The following PLPPR2 variants were observed in gnomAD, a reference collection of about 807,000 sequenced individuals.
The protein encoded by PLPPR2 is phospholipid phosphatase-related protein type 2.
Under a neutral mutation model 40.3 loss-of-function variants are expected in PLPPR2, and 11 were observed. The observed-to-expected ratio is 0.27, with a 90% CI of 0.17 to 0.45. PLPPR2 has a LOEUF of 0.45. Among genes scored for constraint, PLPPR2 ranks in the 20% least tolerant of loss-of-function variants. The pLI, the probability that PLPPR2 is intolerant of heterozygous loss-of-function variation, is 1.00. For synonymous variants in PLPPR2, 260 were observed against 290.8 expected, an observed-to-expected ratio of 0.89 and a Z score of 1.08; for missense variants, 497 against 640.7, an observed-to-expected ratio of 0.78 and a Z score of 2.42.
In PLPPR2 at chr19:11,364,582, C is replaced by G. The variant is rs1244157919; in HGVS notation, c.1251C>G (p.Pro417=). 6.5e-7 allele frequency: 1 copy of G among 1,537,148 alleles called. No homozygotes were observed. ...GGGRGRKLLL[P]TPLLRDLYTL... ...GACGTGGCCGGAAGCTGCTGCTGCC[C>G]ACGCCCCTGCTGCGGGACCTGTACA... The change falls in exon 10 of 10, where the codon CCC becomes CCG. Residue 417 remains proline (P), a synonymous_variant. Transcript: ENST00000688289. The surrounding 1 kb of genome is among the most constrained non-coding windows in gnomAD (Gnocchi z 5.8).
chr19:11,358,333 G>A (rs567281209), intron 3 of PLPPR2, among the ~76,000 whole-genome samples: 9 of 151,678 alleles, frequency 5.9e-5, no homozygotes, highest in Non-Finnish European at 1.2e-4. Flanking sequence ...TGGGATTACA[G>A]GCGTGAGCCA....
intron 5 of PLPPR2, 112 bp downstream of exon 5, chr19:11,360,068 C>A: frequency 7.2e-7 from 1 of 1,395,244 alleles, no homozygotes; most frequent in Non-Finnish European, 9.4e-7. Context: ...TGTGGTGGCT[C>A]ACGCCTGTAA....
rs981271281 is a variant in PLPPR2 at position 11,359,402 on chromosome 19, C to T, written c.67-130C>T. ...CTCTCTCCCCCTTGTCTCTGTCTCT[C>T]TCCATCTTCTAGTTTCTGTCTCTAA... On this transcript the variant is annotated intron_variant, in intron 3 of 9. Coordinates refer to ENST00000688289, the MANE Select transcript of PLPPR2 (RefSeq NM_001393892.1). This position sits in a 1 kb window ranked among gnomAD's most constrained non-coding sequence, Gnocchi z 5.6. The T allele has an allele frequency of 1.3e-5, 10 of 796,894 alleles. No individual in the cohort carries two copies. In the South Asian group the frequency reaches 1.5e-4, roughly 12 times the overall value. 49.4% of individuals were successfully genotyped at this position (796,894 alleles called of 1,614,324 possible).
rs1967964516 is a variant in PLPPR2, at chr19:11,358,774, G to A, written c.67-758G>A. Among the ~76,000 whole-genome samples, 4 of 151,498 alleles carry A rather than the reference G, an allele frequency of 2.6e-5. No individual in the cohort carries two copies. In the South Asian group the frequency reaches 8.3e-4, roughly 32 times the overall value. On this transcript the variant is annotated intron_variant, in intron 3 of 9. Coordinates refer to ENST00000688289, the MANE Select transcript of PLPPR2 (RefSeq NM_001393892.1). ...CCGCTGCCCAGGCTGGAGTGCAGTGGCACGATCTTGGCTCACTGCAAACTC... is the reference window on the plus strand; with the variant it reads ...CCGCTGCCCAGGCTGGAGTGCAGTGACACGATCTTGGCTCACTGCAAACTC...
rs961939415 is a variant in PLPPR2 at position 11,362,581 on chromosome 19, G to C, written c.732G>C (p.Leu244Phe). ...RLVKPSLCLALLCPAFLVGVV... is the reference protein window; with the variant it reads ...RLVKPSLCLAFLCPAFLVGVV... ...TCAAACCCTCGCTCTGCCTGGCCTT[G>C]CTGTGCCCGGCCTTCCTGGTGGGCG... Residue 244 changes from leucine (L) to phenylalanine (F), a missense_variant, in exon 7 of 10, where the codon TTG becomes TTC. Physicochemically the swap from Leu to Phe is conservative, Grantham distance 22 (BLOSUM62 0). Coordinates refer to ENST00000688289, the MANE Select transcript of PLPPR2 (RefSeq NM_001393892.1). This position sits in a 1 kb window ranked among gnomAD's most constrained non-coding sequence, Gnocchi z 5.3. The C allele has an allele frequency of 5.6e-6, 9 of 1,613,114 alleles. No individual in the cohort carries two copies. Among genetic ancestry groups the C allele is most frequent in the Non-Finnish European group, 7.6e-6 (9 of 1,180,002 alleles).
chr19:11,360,434 T>A (rs1434176822), intron 5 of PLPPR2, among the ~76,000 whole-genome samples: 1 of 151,326 alleles, frequency 6.6e-6, no homozygotes, highest in Non-Finnish European at 1.5e-5. Context: ...CCCACCTCTT[T>A]AAAAAAAAGG....
In PLPPR2 at chr19:11,359,279, G is replaced by A. The variant is rs903319523; in HGVS notation, c.67-253G>A. Among the ~76,000 whole-genome samples the A allele has an allele frequency of 1.3e-5, 2 of 152,094 alleles. No homozygotes were observed. Among genetic ancestry groups the A allele is most frequent in the Non-Finnish European group, 2.9e-5 (2 of 68,010 alleles). The stretch of plus-strand genomic sequence containing the variant: ...CCCAAAGTGCTGGAATTACAGGCAC[G>A]AGCCGCTGCACACGGCCCCTCTGTT... On this transcript the variant is annotated intron_variant, in intron 3 of 9. Transcript: ENST00000688289. The surrounding 1 kb of genome is among the most constrained non-coding windows in gnomAD (Gnocchi z 5.6).
chr19:11,364,423 GC>G lies in PLPPR2; in HGVS notation c.1096del (p.Arg366ValfsTer7). 1 of 1,514,032 alleles carries G rather than the reference GC, an allele frequency of 6.6e-7. No individual in the cohort carries two copies. The allele number at this position is 1,514,032 out of a possible 1,614,324, so 93.8% of individuals were successfully genotyped here. On this transcript the variant is annotated frameshift_variant, in exon 10 of 10. Coordinates refer to ENST00000688289, the MANE Select transcript of PLPPR2 (RefSeq NM_001393892.1). LOFTEE classifies it high-confidence loss of function. The surrounding 1 kb of genome is among the most constrained non-coding windows in gnomAD (Gnocchi z 5.8). ...SSRAPAMCSSPRVPRPRLRSE... is the reference protein window; with the variant it reads ...SSRAPAMCSSXRVPRPRLRSE... ...CCAGGGCCCCAGCCATGTGTTCGTCGCCCCGTGTGCCCCGTCCTCGATTGAG... is the reference window on the plus strand; with the variant it reads ...CCAGGGCCCCAGCCATGTGTTCGTCGCCCGTGTGCCCCGTCCTCGATTGAG...
Position 11,364,434 on chromosome 19 carries a change from C to T in PLPPR2, c.1103C>T (p.Pro368Leu). 6.6e-7 allele frequency: 1 copy of T among 1,520,544 alleles called. No homozygotes were observed. The allele number at this position is 1,520,544 out of a possible 1,614,324, so 94.2% of individuals were successfully genotyped here. Residue 368 changes from proline to leucine, a missense_variant, in exon 10 of 10, where the codon CCC becomes CTC. By Grantham distance (98) the Pro-to-Leu change is moderately conservative. Transcript: ENST00000688289. This position sits in a 1 kb window ranked among gnomAD's most constrained non-coding sequence, Gnocchi z 5.8. ...GCCATGTGTTCGTCGCCCCGTGTGC[C>T]CCGTCCTCGATTGAGGTCTGAGCCG... ...APAMCSSPRV[P>L]RPRLRSEPTP...
At position 11,363,280 on chromosome 19, in the gene PLPPR2, C is replaced by CAA. The variant is rs571914211; in HGVS notation, c.841-414_841-413dup. On this transcript the variant is annotated intron_variant, in intron 7 of 9. Transcript: ENST00000688289. The surrounding 1 kb of genome is among the most constrained non-coding windows in gnomAD (Gnocchi z 4.8). ...TGGGTGAAAGAGCGAAAGTCTGTCT[C>CAA]AAAAAAAAAAAAAAAAAAAATTAGC... Among the ~76,000 whole-genome samples the CAA allele has an allele frequency of 4.2e-4, 31 of 74,066 alleles. No individual in the cohort carries two copies. The highest frequency in any genetic ancestry group is 8.7e-4 in the African/African-American group (19 of 21,860). The allele number at this position is 74,066 out of a possible 152,430, so 48.6% of individuals were successfully genotyped here.
Position 11,362,483 on chromosome 19 carries a change from T to C in PLPPR2, c.664-30T>C, listed in dbSNP as rs945176012. On this transcript the variant is annotated intron_variant, in intron 6 of 9. Coordinates refer to ENST00000688289, the MANE Select transcript of PLPPR2 (RefSeq NM_001393892.1). The surrounding 1 kb of genome is among the most constrained non-coding windows in gnomAD (Gnocchi z 5.3). ...CTTGGGTTCGGCGACTTGCCTCCGC[T>C]ATCCCCCTGACCAGTCCGGCTCCCC... 2 of 1,606,190 alleles carry C rather than the reference T, an allele frequency of 1.2e-6. No individual in the cohort carries two copies. Among genetic ancestry groups the C allele is most frequent in the African/African-American group, 1.3e-5 (1 of 74,944 alleles).
In PLPPR2 at chr19:11,365,476, TTC is replaced by T. The variant is rs1968166017; in HGVS notation, c.*788_*789del. ...ATTAGGGCTGTGGGAAGGGTTTTTC[TTC>T]TTTTTCTTGGAACCTGCCCCTGTTC... On this transcript the variant is annotated 3_prime_UTR_variant, in exon 10 of 10. Coordinates refer to ENST00000688289, the MANE Select transcript of PLPPR2 (RefSeq NM_001393892.1). The T allele has an allele frequency of 6.5e-6, 1 of 152,748 alleles. No homozygotes were observed. The highest frequency in any genetic ancestry group is 1.5e-5 in the Non-Finnish European group (1 of 68,164). 9.5% of individuals were successfully genotyped at this position (152,748 alleles called of 1,614,324 possible).
intron 2 of PLPPR2, 59 bp from the exon 3 acceptor site, chr19:11,357,601 A>C: frequency 7.6e-7 from 1 of 1,321,424 alleles, no homozygotes; most frequent in Non-Finnish European, 1.0e-6. Flanking sequence ...GGTCCCGGTG[A>C]CCTGAGCCTT....
rs1232030006 is a variant in PLPPR2, at chr19:11,362,795, G to A, written c.840+106G>A. The A allele has an allele frequency of 8.0e-7, 1 of 1,257,616 alleles. No individual in the cohort carries two copies. The highest frequency in any genetic ancestry group is 1.5e-5 in the African/African-American group (1 of 67,096). The allele number at this position is 1,257,616 out of a possible 1,614,324, so 77.9% of individuals were successfully genotyped here. A position where few individuals can be genotyped will look rare whatever the true frequency, so the allele number is the denominator to read the frequency against. On this transcript the variant is annotated intron_variant, in intron 7 of 9. Transcript: ENST00000688289. The surrounding 1 kb of genome is among the most constrained non-coding windows in gnomAD (Gnocchi z 5.3). ...AAGGGTGTGGACTCTGTGTGACCTT[G>A]GGCCAATCCCTTAACATTACCCTTC...
Position 11,361,164 on chromosome 19 carries a change from A to G in PLPPR2, c.392-53A>G, listed in dbSNP as rs1235091253. 6.5e-7 allele frequency: 1 copy of G among 1,545,834 alleles called. No individual in the cohort carries two copies. Among genetic ancestry groups the G allele is most frequent in the East Asian group, 2.3e-5 (1 of 44,288 alleles). ...GGGAGCTAAGAGGCCCAATGGAATC[A>G]GTGGGAGCATCAGGGCCTGGCGCAT... On this transcript the variant is annotated intron_variant, in intron 5 of 9. Coordinates refer to ENST00000688289, the MANE Select transcript of PLPPR2 (RefSeq NM_001393892.1). This position sits in a 1 kb window ranked among gnomAD's most constrained non-coding sequence, Gnocchi z 6.3.
rs200807176 is a variant in PLPPR2 at position 11,364,427 on chromosome 19, C to T, written c.1096C>T (p.Arg366Cys). 28 of 1,520,552 alleles carry T rather than the reference C, an allele frequency of 1.8e-5. No homozygotes were observed. Among genetic ancestry groups the T allele is most frequent in the Admixed American group, 4.3e-5 (2 of 46,712 alleles). The allele number at this position is 1,520,552 out of a possible 1,614,324, so 94.2% of individuals were successfully genotyped here. ...SRAPAMCSSP[R>C]VPRPRLRSEP... ...GGCCCCAGCCATGTGTTCGTCGCCCCGTGTGCCCCGTCCTCGATTGAGGTC... is the reference window on the plus strand; with the variant it reads ...GGCCCCAGCCATGTGTTCGTCGCCCTGTGTGCCCCGTCCTCGATTGAGGTC... The change falls in exon 10 of 10, where the codon CGT (arginine) becomes TGT (cysteine). Residue 366 changes from arginine to cysteine, a missense_variant. Coordinates refer to ENST00000688289, the MANE Select transcript of PLPPR2 (RefSeq NM_001393892.1). This position sits in a 1 kb window ranked among gnomAD's most constrained non-coding sequence, Gnocchi z 5.8.
rs1968103052 is a variant in PLPPR2 at position 11,363,316 on chromosome 19, G to A, written c.841-397G>A. Among the ~76,000 whole-genome samples the A allele has an allele frequency of 6.6e-6, 1 of 151,356 alleles. No individual in the cohort carries two copies. Among genetic ancestry groups the A allele is most frequent in the Non-Finnish European group, 1.5e-5 (1 of 67,906 alleles). ...AAAAAAAAAATTAGCTGGGAATGGT[G>A]GTGCACACCTGTGGTCCCAGCTACT... On this transcript the variant is annotated intron_variant, in intron 7 of 9. Coordinates refer to ENST00000688289, the MANE Select transcript of PLPPR2 (RefSeq NM_001393892.1). The surrounding 1 kb of genome is among the most constrained non-coding windows in gnomAD (Gnocchi z 4.8).
Position 11,362,131 on chromosome 19 carries a change from C to A in PLPPR2, c.664-382C>A, listed in dbSNP as rs148827534. ...CCTCCTACAGCTCCTACAGCTCCTA[C>A]AGCTCCCTTCGCCCTGACTCCACCC... is the stretch of plus-strand genomic sequence containing the variant. On this transcript the variant is annotated intron_variant, in intron 6 of 9. Transcript: ENST00000688289. The surrounding 1 kb of genome is among the most constrained non-coding windows in gnomAD (Gnocchi z 5.3). Among the ~76,000 whole-genome samples the A allele has an allele frequency of 6.6e-6, 1 of 152,124 alleles. No individual in the cohort carries two copies. Among genetic ancestry groups the A allele is most frequent in the Non-Finnish European group, 1.5e-5 (1 of 68,012 alleles).
chr19:11,361,027 G>C lies in PLPPR2; in HGVS notation c.392-190G>C, dbSNP rs1346027094. Among the ~76,000 whole-genome samples, 1 of 151,998 alleles carries C rather than the reference G, an allele frequency of 6.6e-6. No homozygotes were observed. The highest frequency in any genetic ancestry group is 1.9e-4 in the East Asian group (1 of 5,182). On this transcript the variant is annotated intron_variant, in intron 5 of 9. Transcript: ENST00000688289. This position sits in a 1 kb window ranked among gnomAD's most constrained non-coding sequence, Gnocchi z 6.3. The stretch of plus-strand genomic sequence containing the variant: ...TAGAAAGACAGGGGCCAGATAATGA[G>C]GGTCCCTGGGGGCAGGAGGCCTCAG...
Sources: gnomAD v4.1 joint callset for allele counts (sites outside exome capture counted in the v4.1 genomes callset) on GRCh38, gnomAD v4.1.1 for gene constraint, Gnocchi (gnomAD v3.1) non-coding constraint, MANE v1.5 for transcripts, NCBI Gene and HGNC (gene_info 2026-07-23, HGNC 2026-07-21) for gene names.